The following RASAL2 variants were observed in gnomAD, a reference collection of about 807,000 sequenced individuals.
The protein encoded by RASAL2 is ras GTPase-activating protein nGAP.
A neutral mutation model predicts 128.9 loss-of-function variants in RASAL2; 58 were observed. The ratio of observed to expected loss-of-function variants is 0.45; its 90% CI spans 0.36 to 0.56. The LOEUF is 0.56. Among genes scored for constraint, RASAL2 ranks in the 20% least tolerant of loss-of-function variants. The pLI, the probability that RASAL2 is intolerant of heterozygous loss-of-function variation, is 0.00. For missense variants in RASAL2, 1,360 were observed against 1,601.6 expected, an observed-to-expected ratio of 0.85 and a Z score of 2.57; for synonymous variants, 561 against 580.8, an observed-to-expected ratio of 0.97 and a Z score of 0.49.
chr1:178,396,184 G>T (rs1673215324), intron 4 of RASAL2, among the ~76,000 whole-genome samples: 1 of 152,112 alleles, frequency 6.6e-6, no homozygotes, highest in South Asian at 2.1e-4. Context: ...TCCTCAATCT[G>T]TGGTAATTCC....
At chr1:178,299,507 C>CT (rs1192651482) in intron 2 of RASAL2, among the ~76,000 whole-genome samples, 9 of 150,572 alleles carry the variant, frequency 6.0e-5, no homozygotes, top group South Asian at 4.2e-4. Context: ...TTTCTTTTTT[C>CT]TTTTTTTTTG....
chr1:178,357,980 A>C (rs1670898533), intron 3 of RASAL2, among the ~76,000 whole-genome samples: 3 of 151,986 alleles, frequency 2.0e-5, no homozygotes, highest in Admixed American at 6.6e-5. Context: ...TCACACCTGT[A>C]ATCCCAGCAC....
chr1:178,370,339 A>T (rs1221015588), intron 3 of RASAL2, among the ~76,000 whole-genome samples: 1 of 152,166 alleles, frequency 6.6e-6, no homozygotes, highest in Non-Finnish European at 1.5e-5. Flanking sequence ...CTGATGTCCA[A>T]TCCCAGAGCT....
At position 178,474,815 on chromosome 1, in the gene RASAL2, G is replaced by GTA. The variant is rs975990270; in HGVS notation, c.*1577_*1578dup. 4 of 152,086 alleles carry GTA rather than the reference G, an allele frequency of 2.6e-5. No homozygotes were observed. The highest frequency in any genetic ancestry group is 9.7e-5 in the African/African-American group (4 of 41,414). 9.4% of individuals were successfully genotyped at this position (152,086 alleles called of 1,614,324 possible). A position where few individuals can be genotyped will look rare whatever the true frequency, so the allele number is the denominator to read the frequency against. ...TCAAACCTCTTTAAGCAAGATCTAA[G>GTA]TAGTTGTTTTATATTGAGAAAGCAA... On this transcript the variant is annotated 3_prime_UTR_variant, in exon 18 of 18. Coordinates refer to ENST00000367649, the MANE Select transcript of RASAL2 (RefSeq NM_170692.4).
At chr1:178,371,577 G>A (rs1311989674) in intron 3 of RASAL2, among the ~76,000 whole-genome samples, 1 of 152,084 alleles carries the variant, frequency 6.6e-6, no homozygotes, top group Non-Finnish European at 1.5e-5. Context: ...AGGAGGAGGA[G>A]AAGAAAGGAG....
intron 1 of RASAL2, among the ~76,000 whole-genome samples, chr1:178,221,040 G>A (rs181277616): frequency 7.2e-5 from 11 of 152,310 alleles, no homozygotes; most frequent in African/African-American, 2.4e-4. Context: ...GTTCCCACCA[G>A]CAGTGCATGA....
At chr1:178,255,380 T>G (rs1367568465) in intron 1 of RASAL2, among the ~76,000 whole-genome samples, 1 of 152,174 alleles carries the variant, frequency 6.6e-6, no homozygotes, top group East Asian at 1.9e-4. Flanking sequence ...ATATTATTAT[T>G]GTTGGGCTCA....
At chr1:178,472,397 C>T (rs997103132) in intron 17 of RASAL2, among the ~76,000 whole-genome samples, 1 of 152,082 alleles carries the variant, frequency 6.6e-6, no homozygotes, top group African/African-American at 2.4e-5. Context: ...TGGAATGGGT[C>T]TAGGAGCCTG....
intron 1 of RASAL2, among the ~76,000 whole-genome samples, chr1:178,182,959 A>C (rs1424434919): frequency 6.6e-6 from 1 of 152,082 alleles, no homozygotes; most frequent in African/African-American, 2.4e-5. Flanking sequence ...CCTTCGCATG[A>C]GCAGTTCACA....
chr1:178,416,052 G>A (rs887916359), intron 4 of RASAL2, among the ~76,000 whole-genome samples: 11 of 152,002 alleles, frequency 7.2e-5, no homozygotes, highest in Non-Finnish European at 1.5e-4. Context: ...ATTGACGTTC[G>A]AAGTGATTAT....
intron 3 of RASAL2, among the ~76,000 whole-genome samples, chr1:178,328,930 C>T (rs1215445996): frequency 1.3e-5 from 2 of 152,190 alleles, no homozygotes; most frequent in African/African-American, 4.8e-5. Context: ...CTCTCCCCAG[C>T]TATATTTGTT....
chr1:178,376,506 G>A (rs1039658638), intron 3 of RASAL2, among the ~76,000 whole-genome samples: 2 of 152,144 alleles, frequency 1.3e-5, no homozygotes, highest in African/African-American at 4.8e-5. Context: ...GGAGGTGAGA[G>A]TAGAATTAAA....
Position 178,317,625 on chromosome 1 carries a change from G to C in RASAL2, c.457+17507G>C, listed in dbSNP as rs1668551300. Among the ~76,000 whole-genome samples the C allele has an allele frequency of 4.7e-5, 7 of 149,142 alleles. No homozygotes were observed. The South Asian group carries it at 1.5e-3, about 32-fold the overall frequency. Reference sequence around the variant, plus strand: ...CTGATGGTAGTTTGTATTTCTGTGGGATCGGTGGTGATATCCCCTTTATCA... The same window carrying C: ...CTGATGGTAGTTTGTATTTCTGTGGCATCGGTGGTGATATCCCCTTTATCA... On this transcript the variant is annotated intron_variant, in intron 3 of 17. Transcript: ENST00000367649.
intron 1 of RASAL2, among the ~76,000 whole-genome samples, chr1:178,239,325 G>A (rs1409236838): frequency 6.6e-6 from 1 of 152,034 alleles, no homozygotes; most frequent in Non-Finnish European, 1.5e-5. Context: ...AAGAGTTACT[G>A]TCAGCATTTG....
intron 1 of RASAL2, among the ~76,000 whole-genome samples, chr1:178,222,835 A>C (rs1272164598): frequency 6.6e-6 from 1 of 152,140 alleles, no homozygotes; most frequent in Non-Finnish European, 1.5e-5. Flanking sequence ...CTGGGAAGAA[A>C]ATTGCTTTAA....
chr1:178,103,685 T>C (rs1302860932), intron 1 of RASAL2, among the ~76,000 whole-genome samples: 1 of 152,172 alleles, frequency 6.6e-6, no homozygotes, highest in Non-Finnish European at 1.5e-5. Context: ...CCCATTTTTA[T>C]TGGGTTCTTG....
At chr1:178,387,348 A>T (rs1260499356) in intron 3 of RASAL2, among the ~76,000 whole-genome samples, 1 of 151,750 alleles carries the variant, frequency 6.6e-6, no homozygotes, top group Non-Finnish European at 1.5e-5. Flanking sequence ...ATTTTTTCCC[A>T]TAATACAGAA....
chr1:178,191,350 G>GA (rs151175241), intron 1 of RASAL2, among the ~76,000 whole-genome samples: 16,767 of 146,416 alleles, frequency 0.11, 1,188 homozygotes, highest in African/African-American at 0.2. Context: ...ATAGATAAAT[G>GA]AAAAAAAAAC....
chr1:178,415,432 G>A (rs1674690885), intron 4 of RASAL2, among the ~76,000 whole-genome samples: 1 of 152,026 alleles, frequency 6.6e-6, no homozygotes, highest in Non-Finnish European at 1.5e-5. Context: ...TCTAAAAGAA[G>A]ACATTGTATG....
Sources: allele counts gnomAD v4.1 joint callset (sites outside exome capture counted in the v4.1 genomes callset), GRCh38; gene constraint gnomAD v4.1.1; transcripts MANE v1.5; gene names NCBI Gene and HGNC (gene_info 2026-07-23, HGNC 2026-07-21).